CNTLN: variants seen among roughly 807,000 people sequenced by gnomAD.
CNTLN encodes centlein, centrosomal protein.
A neutral mutation model predicts 180.0 loss-of-function variants in CNTLN; 212 were observed. The ratio of observed to expected loss-of-function variants is 1.18; its 90% CI spans 1.05 to 1.32. The LOEUF is 1.32. Among genes scored for constraint, CNTLN ranks in the 40% most tolerant of loss-of-function variants. CNTLN has a pLI of 0.00. For synonymous variants in CNTLN, 722 were observed against 563.1 expected, an observed-to-expected ratio of 1.28 and a Z score of -3.99; for missense variants, 2,095 against 1,610.9, an observed-to-expected ratio of 1.30 and a Z score of -5.14.
At chr9:17,492,184 T>C (rs1833201684) in intron 25 of CNTLN, among the ~76,000 whole-genome samples, 1 of 152,212 alleles carries the variant, frequency 6.6e-6, no homozygotes. Context: ...CACTAGAATG[T>C]GATTACAGTT....
intron 18 of CNTLN, among the ~76,000 whole-genome samples, chr9:17,452,226 G>T (rs1355376345): frequency 3.3e-5 from 5 of 152,054 alleles, no homozygotes; most frequent in South Asian, 2.1e-4. Context: ...TTTTCCAAGG[G>T]CCTTGTTTTA....
At chr9:17,362,193 T>C (rs1045921158) in intron 12 of CNTLN, among the ~76,000 whole-genome samples, 3 of 152,206 alleles carry the variant, frequency 2.0e-5, no homozygotes, top group Admixed American at 2.0e-4. Context: ...CTACCTTCTG[T>C]TGGGTTAGTG....
At chr9:17,436,438 C>G (rs1829782685) in intron 18 of CNTLN, among the ~76,000 whole-genome samples, 1 of 152,138 alleles carries the variant, frequency 6.6e-6, no homozygotes, top group South Asian at 2.1e-4. Context: ...TTAATCAAGC[C>G]TCAAATAAAA....
chr9:17,377,563 A>AAAAAAAC (rs749035079), intron 13 of CNTLN, among the ~76,000 whole-genome samples: 3 of 152,112 alleles, frequency 2.0e-5, no homozygotes, highest in Non-Finnish European at 4.4e-5. Context: ...ACTCTGTGTC[A>AAAAAAAC]AAAAAACAAA....
the CNTLN span, among the ~76,000 whole-genome samples, chr9:17,523,619 G>A: frequency 6.6e-6 from 1 of 152,184 alleles, no homozygotes; most frequent in African/African-American, 2.4e-5. Context: ...GTGGAAAAAT[G>A]AACTGGAAGA....
chr9:17,441,372 A>G (rs546419101), intron 18 of CNTLN, among the ~76,000 whole-genome samples: 2 of 152,316 alleles, frequency 1.3e-5, no homozygotes, highest in Admixed American at 6.5e-5. Context: ...AACTAAAAAT[A>G]TGATAATGAA....
At chr9:17,342,903 A>G (rs1821599601) in intron 12 of CNTLN, among the ~76,000 whole-genome samples, 1 of 152,084 alleles carries the variant, frequency 6.6e-6, no homozygotes, top group African/African-American at 2.4e-5. Context: ...CCTTGCTGCT[A>G]CTCTTGGAGC....
intron 6 of CNTLN, among the ~76,000 whole-genome samples, chr9:17,290,606 G>A (rs1367847825): frequency 7.1e-6 from 1 of 141,498 alleles, no homozygotes; most frequent in African/African-American, 2.6e-5. Context: ...CCCTCCCCCA[G>A]CCTGGCTGCC....
At chr9:17,424,598 T>C (rs1828953015) in intron 18 of CNTLN, among the ~76,000 whole-genome samples, 1 of 152,228 alleles carries the variant, frequency 6.6e-6, no homozygotes, top group African/African-American at 2.4e-5. Flanking sequence ...TAAATATGTA[T>C]AAAACTTCAG....
At chr9:17,512,862 G>A in the CNTLN span, among the ~76,000 whole-genome samples, 1 of 152,196 alleles carries the variant, frequency 6.6e-6, no homozygotes, top group African/African-American at 2.4e-5. Context: ...TGTCACCCAG[G>A]CTGGAGTGTG....
intron 19 of CNTLN, among the ~76,000 whole-genome samples, chr9:17,462,057 AG>A (rs1467545518): frequency 1.3e-5 from 2 of 151,834 alleles, no homozygotes; most frequent in African/African-American, 4.8e-5. Flanking sequence ...AGAAGGATTG[AG>A]TATTCATGAG....
At position 17,427,634 on chromosome 9, in the gene CNTLN, T is replaced by C. The variant is rs138313242; in HGVS notation, c.3114+11445T>C. On this transcript the variant is annotated intron_variant, in intron 18 of 25. Coordinates refer to ENST00000380647, the MANE Select transcript of CNTLN (RefSeq NM_017738.4). ...CAGTTCAATACTATTCCAATTCCTT[T>C]TCCCACTTAATATTTTCTTTACTTC... Among the ~76,000 whole-genome samples the C allele has an allele frequency of 4.3e-4, 66 of 152,312 alleles. 1 individual carries two copies. Among genetic ancestry groups the C allele is most frequent in the African/African-American group, 1.5e-3 (63 of 41,576 alleles).
chr9:17,434,050 A>G (rs1829604455), intron 18 of CNTLN, among the ~76,000 whole-genome samples: 1 of 152,074 alleles, frequency 6.6e-6, no homozygotes, highest in Admixed American at 6.6e-5. Context: ...CTACTTAATG[A>G]TATTGTTCTC....
intron 15 of CNTLN, among the ~76,000 whole-genome samples, chr9:17,395,846 A>T (rs1826473880): frequency 6.6e-6 from 1 of 152,170 alleles, no homozygotes; most frequent in Admixed American, 6.5e-5. Flanking sequence ...CTCCATCTTA[A>T]ATAGGAGCTG....
chr9:17,354,547 A>G (rs527570895), intron 12 of CNTLN, among the ~76,000 whole-genome samples: 11 of 152,240 alleles, frequency 7.2e-5, no homozygotes, highest in Admixed American at 4.6e-4. Context: ...GCACCAATCA[A>G]CACTCTGTAT....
At chr9:17,135,549 C>A in intron 1 of CNTLN, 124 bp downstream of exon 1, 1 of 1,259,848 alleles carries the variant, frequency 7.9e-7, no homozygotes, top group Non-Finnish European at 1.1e-6. Context: ...GGCAGATGCA[C>A]ACCCTGCTTC....
At chr9:17,441,822 C>T (rs1028390653) in intron 18 of CNTLN, among the ~76,000 whole-genome samples, 34 of 152,010 alleles carry the variant, frequency 2.2e-4, no homozygotes, top group African/African-American at 6.5e-4. Context: ...TTAGTTTTAA[C>T]GACACAGGCT....
At chr9:17,291,351 T>C (rs1829394491) in intron 6 of CNTLN, among the ~76,000 whole-genome samples, 1 of 152,190 alleles carries the variant, frequency 6.6e-6, no homozygotes, top group African/African-American at 2.4e-5. Flanking sequence ...GTTCATGTCC[T>C]GAATATCCTT....
chr9:17,222,463 G>A (rs1401727458), intron 2 of CNTLN, among the ~76,000 whole-genome samples: 4 of 151,982 alleles, frequency 2.6e-5, no homozygotes, highest in Non-Finnish European at 5.9e-5. Flanking sequence ...TACTGTTCTC[G>A]TGGTAGTGAA....
Sources: allele counts gnomAD v4.1 joint callset (sites outside exome capture counted in the v4.1 genomes callset), GRCh38; gene constraint gnomAD v4.1.1; transcripts MANE v1.5; gene names NCBI Gene and HGNC (gene_info 2026-07-23, HGNC 2026-07-21).